Variants in MCCC1 observed in about 807,000 individuals in gnomAD.
MCCC1 encodes methylcrotonyl-CoA carboxylase subunit 1.
MCCC1 carries 64 observed loss-of-function variants against 83.8 expected under a neutral mutation model. That is an observed-to-expected ratio of 0.76 (90% CI 0.62 to 0.94). The LOEUF (loss-of-function observed/expected upper bound fraction) is 0.94. MCCC1 is among the 40% of genes least tolerant of loss of function. The pLI is 0.00. For synonymous variants in MCCC1, 322 were observed against 315.4 expected, an observed-to-expected ratio of 1.02 and a Z score of -0.22; for missense variants, 807 against 904.7, an observed-to-expected ratio of 0.89 and a Z score of 1.39.
chr3:183,082,106 T>G (rs1444454557), intron 4 of MCCC1, among the ~76,000 whole-genome samples: 1 of 152,186 alleles, frequency 6.6e-6, no homozygotes, highest in Non-Finnish European at 1.5e-5. Flanking sequence ...CCCCCAAGTG[T>G]TCTTTCTGCT....
rs140153564 is a variant in MCCC1 at position 183,055,684 on chromosome 3, C to T, written c.873+1627G>A. Among the ~76,000 whole-genome samples the T allele has an allele frequency of 3.7e-3, 557 of 152,074 alleles. 5 individuals are homozygous for T. Among genetic ancestry groups the T allele is most frequent in the African/African-American group, 0.013 (535 of 41,488 alleles). On this transcript the variant is annotated intron_variant, in intron 8 of 18. Transcript: ENST00000265594. ...GCTGAGGTTAAAGGATCACTTGAAG[C>T]CAGAAGTTTGAGACCAGCGTGGTCA...
intron 4 of MCCC1, among the ~76,000 whole-genome samples, chr3:183,074,044 C>T (rs1159884174): frequency 6.6e-6 from 1 of 152,192 alleles, no homozygotes; most frequent in Non-Finnish European, 1.5e-5. Flanking sequence ...CAAGATCTCA[C>T]TGTGTGACTC....
intron 1 of MCCC1, among the ~76,000 whole-genome samples, chr3:183,094,930 C>T (rs536847469): frequency 5.4e-4 from 82 of 152,230 alleles, no homozygotes; most frequent in Middle Eastern, 6.8e-3. Flanking sequence ...GGCTACAACT[C>T]ACAATACAAA....
rs555784199 is a variant in MCCC1, at chr3:183,092,654, G to C, written c.137-109C>G. ...TAAGGACTCGACTGATAAGTTCAAG[G>C]TTTTTGGTAAAACTAGCATAACTGA... On this transcript the variant is annotated intron_variant, in intron 2 of 18. Transcript: ENST00000265594. 1.6e-5 allele frequency: 23 copies of C among 1,439,154 alleles called. No homozygotes were observed. In the African/African-American group the frequency reaches 2.1e-4, roughly 13 times the overall value. 89.1% of individuals were successfully genotyped at this position (1,439,154 alleles called of 1,614,324 possible).
intron 9 of MCCC1, among the ~76,000 whole-genome samples, chr3:183,049,263 G>A (rs1163650691): frequency 1.3e-5 from 2 of 151,794 alleles, no homozygotes; most frequent in East Asian, 3.8e-4. Flanking sequence ...ATTGAAAATG[G>A]AAAATCAATA....
At chr3:183,021,009 G>A (rs536338434) in intron 16 of MCCC1, among the ~76,000 whole-genome samples, 22 of 151,850 alleles carry the variant, frequency 1.4e-4, no homozygotes, top group East Asian at 1.4e-3. Flanking sequence ...GCAGTGAGCC[G>A]AGATGGCACC....
At chr3:183,061,394 T>C (rs1268221006) in intron 7 of MCCC1, among the ~76,000 whole-genome samples, 1 of 152,218 alleles carries the variant, frequency 6.6e-6, no homozygotes, top group Non-Finnish European at 1.5e-5. Context: ...AATAGAATGC[T>C]CTGGATCTCT....
chr3:183,072,558 G>A, intron 4 of MCCC1, 71 bp from the exon 5 acceptor site: 1 of 1,580,898 alleles, frequency 6.3e-7, no homozygotes, highest in East Asian at 2.3e-5. Context: ...TGCAGGTGAA[G>A]CTGTCTTCCT....
chr3:183,048,191 TGAAAGGCA>T (rs1714696255), intron 9 of MCCC1, among the ~76,000 whole-genome samples: 1 of 151,844 alleles, frequency 6.6e-6, no homozygotes, highest in African/African-American at 2.4e-5. Flanking sequence ...ATTAAAACCA[TGAAAGGCA>T]GAAAAAGTCT....
chr3:183,108,149 G>T (rs188093346), intron 1 of MCCC1, among the ~76,000 whole-genome samples: 1 of 152,270 alleles, frequency 6.6e-6, no homozygotes, highest in Admixed American at 6.5e-5. Flanking sequence ...TATGGTTAGG[G>T]CTAGCATTTT....
chr3:183,044,074 C>T (rs890679533), intron 10 of MCCC1, among the ~76,000 whole-genome samples: 5 of 152,112 alleles, frequency 3.3e-5, no homozygotes, highest in African/African-American at 1.2e-4. Flanking sequence ...AAGGAACCAA[C>T]AAAAGGAGTA....
chr3:183,020,171 G>GAGTT lies in MCCC1; in HGVS notation c.1932_1935dup (p.Gln646AsnfsTer14). On this transcript the variant is annotated frameshift_variant, in exon 17 of 19. Transcript: ENST00000265594. LOFTEE classifies it high-confidence loss of function. ...GTCATAGGAGCTAAGGGGCCGCCCT[G>GAGTT]AGTTTCTTGTGAGCTCACAGAAGAT... 1 of 1,614,098 alleles carries GAGTT rather than the reference G, an allele frequency of 6.2e-7. No homozygotes were observed. Among genetic ancestry groups the GAGTT allele is most frequent in the Non-Finnish European group, 8.5e-7 (1 of 1,179,962 alleles).
chr3:183,024,675 G>A (rs1039766986), intron 15 of MCCC1, among the ~76,000 whole-genome samples: 5 of 151,900 alleles, frequency 3.3e-5, no homozygotes, highest in African/African-American at 1.2e-4. Context: ...TGAAGAGATT[G>A]GAGCCATTGT....
At chr3:183,084,979 A>G (rs1577349657) in intron 4 of MCCC1, among the ~76,000 whole-genome samples, 1 of 152,328 alleles carries the variant, frequency 6.6e-6, no homozygotes, top group East Asian at 1.9e-4. Flanking sequence ...AAGGTGTCAG[A>G]TATGAGTTCT....
chr3:183,070,007 C>T (rs1489887030), intron 7 of MCCC1, among the ~76,000 whole-genome samples: 1 of 152,174 alleles, frequency 6.6e-6, no homozygotes, highest in African/African-American at 2.4e-5. Flanking sequence ...CACAACACAA[C>T]CATTCTGTTG....
At chr3:183,100,732 C>G (rs1033875447), upstream of MCCC1, among the ~76,000 whole-genome samples, 3 of 152,262 alleles carry the variant, frequency 2.0e-5, no homozygotes, top group Admixed American at 6.5e-5. Flanking sequence ...TGACAGCGTG[C>G]TGGCAGTCCT....
intron 4 of MCCC1, among the ~76,000 whole-genome samples, chr3:183,084,434 T>C (rs528735353): frequency 1.1e-4 from 17 of 152,206 alleles, no homozygotes; most frequent in Non-Finnish European, 1.8e-4. Flanking sequence ...GAGATACATA[T>C]GTATATCTCC....
chr3:183,034,463 AAAAAAAC>A (rs1219893668), intron 13 of MCCC1, among the ~76,000 whole-genome samples: 9 of 151,046 alleles, frequency 6.0e-5, no homozygotes, highest in African/African-American at 2.2e-4. Context: ...TCAAAAAAAA[AAAAAAAC>A]AAAAAAACAC....
chr3:183,070,964 T>C, intron 7 of MCCC1, 35 bp downstream of exon 7: 1 of 1,593,604 alleles, frequency 6.3e-7, no homozygotes, highest in Non-Finnish European at 8.6e-7. Flanking sequence ...AATTTAATTT[T>C]TAAACTCTGA....
Sources: gnomAD v4.1 joint callset for allele counts (sites outside exome capture counted in the v4.1 genomes callset) on GRCh38, gnomAD v4.1.1 for gene constraint, MANE v1.5 for transcripts, NCBI Gene and HGNC (gene_info 2026-07-23, HGNC 2026-07-21) for gene names.